Variants in IRAG1 observed in about 807,000 individuals in gnomAD.
IRAG1 encodes inositol 1,4,5-triphosphate receptor associated 1.
Under a neutral mutation model 106.2 loss-of-function variants are expected in IRAG1, and 62 were observed. The observed-to-expected ratio is 0.58, with a 90% confidence interval of 0.48 to 0.72. The LOEUF (loss-of-function observed/expected upper bound fraction) is 0.72. Among genes scored for constraint, IRAG1 ranks in the 30% least tolerant of loss-of-function variants. The pLI, the probability that IRAG1 is intolerant of heterozygous loss-of-function variation, is 0.00. For missense variants in IRAG1, 1,064 were observed against 1,140.7 expected, an observed-to-expected ratio of 0.93 and a Z score of 0.97; for synonymous variants, 462 against 443.9, an observed-to-expected ratio of 1.04 and a Z score of -0.51.
intron 1 of IRAG1, among the ~76,000 whole-genome samples, chr11:10,654,810 T>C (rs116340805): frequency 3.3e-5 from 5 of 152,264 alleles, no homozygotes; most frequent in African/African-American, 1.2e-4. Flanking sequence ...ACAGATTAGC[T>C]GGGTGTCTAG....
intron 1 of IRAG1, among the ~76,000 whole-genome samples, chr11:10,664,177 CCTT>C (rs982556791): frequency 5.9e-5 from 9 of 152,158 alleles, no homozygotes; most frequent in African/African-American, 2.2e-4. Context: ...AACTGGAAGT[CCTT>C]CTCACGGCAT....
At chr11:10,629,415 G>A (rs1856519560) in intron 5 of IRAG1, 123 bp downstream of exon 5, 4 of 972,166 alleles carry the variant, frequency 4.1e-6, no homozygotes, top group African/African-American at 3.3e-5. Flanking sequence ...CTCTGCTGAG[G>A]AGAGCAGGTG....
chr11:10,588,040 C>A (rs1852215961), intron 18 of IRAG1, among the ~76,000 whole-genome samples: 2 of 152,212 alleles, frequency 1.3e-5, no homozygotes, highest in South Asian at 4.1e-4. Context: ...TAGCAAAGCA[C>A]TTGGCATACA....
In IRAG1 at chr11:10,608,024, C is replaced by T. The variant is rs146545183; in HGVS notation, c.1572-1252G>A. 1.2e-3 allele frequency among the ~76,000 whole-genome samples: 189 copies of T among 152,340 alleles called. 5 individuals are homozygous for T. The East Asian group carries it at 0.031, about 25-fold the overall frequency. ...TTGTTGGGATATTATGTGAAATGCA[C>T]ATATTTTCATAAATTATAAACCAAA... On this transcript the variant is annotated intron_variant, in intron 11 of 20. Transcript: ENST00000423302.
intron 20 of IRAG1, among the ~76,000 whole-genome samples, chr11:10,579,111 C>T (rs530834754): frequency 2.4e-4 from 37 of 152,292 alleles, no homozygotes; most frequent in African/African-American, 7.9e-4. Flanking sequence ...GAGGTTCTTT[C>T]ACTGGGGAGA....
intron 11 of IRAG1, 124 bp from the exon 12 acceptor site, chr11:10,606,896 A>C: frequency 1.2e-6 from 1 of 818,000 alleles, no homozygotes; most frequent in Non-Finnish European, 1.8e-6. Context: ...GTGAGAAGGA[A>C]AAGATGCAAT....
intron 2 of IRAG1, among the ~76,000 whole-genome samples, chr11:10,649,889 C>G (rs1412752610): frequency 6.6e-6 from 1 of 152,136 alleles, no homozygotes; most frequent in Non-Finnish European, 1.5e-5. Flanking sequence ...CGGATGGTCT[C>G]TGAAGGCCCT....
In IRAG1 at chr11:10,607,812, A is replaced by C. The variant is rs189292725; in HGVS notation, c.1572-1040T>G. 4.0e-4 allele frequency among the ~76,000 whole-genome samples: 61 copies of C among 152,296 alleles called. No individual in the cohort carries two copies. In the East Asian group the frequency reaches 7.5e-3, roughly 19 times the overall value. On this transcript the variant is annotated intron_variant, in intron 11 of 20. Transcript: ENST00000423302. ...ATGAGTGCCTTCCTGTCAGGATGAGAAGACCCCATGGCCATGAAGTCAGCG... is the reference window on the plus strand; with the variant it reads ...ATGAGTGCCTTCCTGTCAGGATGAGCAGACCCCATGGCCATGAAGTCAGCG...
intron 1 of IRAG1, among the ~76,000 whole-genome samples, chr11:10,658,010 A>G (rs1379757613): frequency 6.6e-6 from 1 of 152,250 alleles, no homozygotes; most frequent in East Asian, 1.9e-4. Flanking sequence ...GTAAAGGGTA[A>G]GCCATTGTGT....
chr11:10,608,130 T>C (rs2134382534), intron 11 of IRAG1, among the ~76,000 whole-genome samples: 1 of 152,258 alleles, frequency 6.6e-6, no homozygotes, highest in East Asian at 1.9e-4. Context: ...TTTATTTATT[T>C]TTGGGGACAG....
chr11:10,689,712 TTAA>T (rs1022062591), intron 1 of IRAG1, among the ~76,000 whole-genome samples: 1 of 152,208 alleles, frequency 6.6e-6, no homozygotes, highest in Admixed American at 6.5e-5. Context: ...TGGAGAATCT[TTAA>T]TGATATGGAA....
rs530380137 is a variant in IRAG1, at chr11:10,647,819, C to A, written c.225+4206G>T. Among the ~76,000 whole-genome samples, 1 of 151,960 alleles carries A rather than the reference C, an allele frequency of 6.6e-6. No individual in the cohort carries two copies. Among genetic ancestry groups the A allele is most frequent in the African/African-American group, 2.4e-5 (1 of 41,384 alleles). On this transcript the variant is annotated intron_variant, in intron 2 of 20. Transcript: ENST00000423302. The surrounding 1 kb of genome is among the most constrained non-coding windows in gnomAD (Gnocchi z 4.3). Reference sequence around the variant, plus strand: ...GAGATGGGCTGGTATGTGTCCTGAGCGGAGGTTAGGAAGGCTCTGAACACT... The same window carrying A: ...GAGATGGGCTGGTATGTGTCCTGAGAGGAGGTTAGGAAGGCTCTGAACACT...
At chr11:10,620,315 A>G (rs1399094020) in intron 10 of IRAG1, among the ~76,000 whole-genome samples, 4 of 152,084 alleles carry the variant, frequency 2.6e-5, no homozygotes, top group Non-Finnish European at 5.9e-5. Flanking sequence ...CTAAAATAAC[A>G]CAAAACGTAT....
intron 1 of IRAG1, among the ~76,000 whole-genome samples, chr11:10,680,135 T>C (rs1192325499): frequency 6.6e-6 from 1 of 151,454 alleles, no homozygotes; most frequent in African/African-American, 2.4e-5. Context: ...TGGCCAGGCA[T>C]GGTGGCGCAT....
At chr11:10,684,057 C>G (rs911286837) in intron 1 of IRAG1, among the ~76,000 whole-genome samples, 3 of 152,062 alleles carry the variant, frequency 2.0e-5, no homozygotes, top group South Asian at 2.1e-4. Flanking sequence ...AAAATTTTCT[C>G]TAAACTAATA....
chr11:10,617,491 T>C (rs1361151517), intron 10 of IRAG1, among the ~76,000 whole-genome samples: 3 of 152,218 alleles, frequency 2.0e-5, no homozygotes, highest in Non-Finnish European at 4.4e-5. Context: ...AATTGGTTTC[T>C]GAAAGTACAA....
intron 16 of IRAG1, 143 bp from the exon 17 acceptor site, chr11:10,593,742 T>C (rs1852943476): frequency 1.5e-6 from 1 of 672,550 alleles, no homozygotes; most frequent in South Asian, 1.9e-5. Flanking sequence ...AATGATAGAA[T>C]TGGTGTGGAG....
chr11:10,656,303 C>A (rs1385071660), intron 1 of IRAG1, among the ~76,000 whole-genome samples: 1 of 152,202 alleles, frequency 6.6e-6, no homozygotes, highest in Non-Finnish European at 1.5e-5. Context: ...AGCTAATCAG[C>A]TTTTATGACT....
intron 3 of IRAG1, 119 bp downstream of exon 3, chr11:10,633,849 T>C (rs1378071452): frequency 3.7e-6 from 2 of 541,594 alleles, no homozygotes; most frequent in Non-Finnish European, 6.3e-6. Flanking sequence ...TGCTTGATTA[T>C]AGTTTAGTCA....
Sources: allele counts gnomAD v4.1 joint callset (sites outside exome capture counted in the v4.1 genomes callset), GRCh38; gene constraint gnomAD v4.1.1; non-coding constraint Gnocchi (gnomAD v3.1); transcripts MANE v1.5; gene names NCBI Gene and HGNC (gene_info 2026-07-23, HGNC 2026-07-21).